The following IREB2 variants were observed in gnomAD, a reference collection of about 807,000 sequenced individuals.
IREB2 encodes the protein iron responsive element binding protein 2, also known as iron-responsive element-binding protein 2.
Under a neutral mutation model 118.8 loss-of-function variants are expected in IREB2, and 39 were observed. That is an observed-to-expected ratio of 0.33 (90% CI 0.25 to 0.43). IREB2 has a LOEUF of 0.43. Among genes scored for constraint, IREB2 ranks in the 20% least tolerant of loss-of-function variants. The probability of loss-of-function intolerance (pLI) is 1.00; values close to 1 mark genes in which losing one functional copy is unlikely to be tolerated. For missense variants in IREB2, 900 were observed against 1,147.3 expected (o/e 0.78, Z 3.11); for synonymous variants, 372 against 392.2 (o/e 0.95, Z 0.61).
chr15:78,482,036 C>T (rs2051583012), intron 10 of IREB2, among the ~76,000 whole-genome samples: 1 of 151,974 alleles, frequency 6.6e-6, no homozygotes, highest in Admixed American at 6.6e-5. Flanking sequence ...GAGCTCAGGA[C>T]CAGCCTGGGC....
At chr15:78,471,497 A>C (rs1459880552) in intron 6 of IREB2, among the ~76,000 whole-genome samples, 2 of 152,218 alleles carry the variant, frequency 1.3e-5, no homozygotes, top group Non-Finnish European at 2.9e-5. Flanking sequence ...TTTGGAACGC[A>C]GTTGAATACT....
At chr15:78,454,671 T>C (rs1392538010) in intron 2 of IREB2, among the ~76,000 whole-genome samples, 1 of 152,186 alleles carries the variant, frequency 6.6e-6, no homozygotes. Context: ...ATATATACAA[T>C]ATGCCTTAAT....
At position 78,490,659 on chromosome 15, in the gene IREB2, A is replaced by C; in HGVS notation, c.2222A>C (p.His741Pro). The change falls in exon 18 of 22, where the codon CAT (histidine) becomes CCT (proline). Residue 741 changes from histidine to proline, a missense_variant. By Grantham distance (77) the His-to-Pro change is moderately conservative. Transcript: ENST00000258886. ...PIALQAIENAHVLLYLGDSVT... is the reference protein window; with the variant it reads ...PIALQAIENAPVLLYLGDSVT... ...GCACTCCAGGCTATTGAAAATGCCC[A>C]TGTCTTATTATATTTGGGAGACTCT... is the stretch of plus-strand genomic sequence containing the variant. 6.2e-7 allele frequency: 1 copy of C among 1,614,162 alleles called. No individual in the cohort carries two copies. Among genetic ancestry groups the C allele is most frequent in the Non-Finnish European group, 8.5e-7 (1 of 1,180,006 alleles).
upstream of IREB2, chr15:78,438,175 C>A (rs904142758): frequency 3.3e-6 from 2 of 600,952 alleles, no homozygotes; most frequent in Admixed American, 2.8e-5. Context: ...CCCGCGAGCG[C>A]AGACCCGGGG....
intron 2 of IREB2, among the ~76,000 whole-genome samples, chr15:78,453,562 AAATGGTT>A (rs2051059510): frequency 6.6e-6 from 1 of 152,210 alleles, no homozygotes; most frequent in Non-Finnish European, 1.5e-5. Flanking sequence ...TTGAGTCCTA[AAATGGTT>A]AATGGAAATA....
chr15:78,495,795 A>G (rs1457147152), intron 20 of IREB2, among the ~76,000 whole-genome samples: 4 of 152,256 alleles, frequency 2.6e-5, no homozygotes, highest in Non-Finnish European at 5.9e-5. Context: ...ATAAGAGTAC[A>G]TTAAAAGATA....
intron 2 of IREB2, among the ~76,000 whole-genome samples, chr15:78,461,330 A>G (rs118049494): frequency 9.3e-4 from 141 of 152,328 alleles, no homozygotes; most frequent in East Asian, 6.6e-3. Flanking sequence ...GTTAAAATCT[A>G]AAACCTGTCC....
chr15:78,485,975 A>T (rs559608785), intron 13 of IREB2, 135 bp downstream of exon 13: 4 of 742,756 alleles, frequency 5.4e-6, no homozygotes, highest in Non-Finnish European at 8.6e-6. Context: ...TGCCATTACC[A>T]TACAATTTTT....
Position 78,493,817 on chromosome 15 carries a change from G to A in IREB2, c.2325-92G>A, listed in dbSNP as rs973799198. Reference sequence around the variant, plus strand: ...TTCTTTTGTGTTTGAAATTTTCTGTGATAAAAAAATTTTTCAATAGGTCTT... The same window carrying A: ...TTCTTTTGTGTTTGAAATTTTCTGTAATAAAAAAATTTTTCAATAGGTCTT... On this transcript the variant is annotated intron_variant, in intron 18 of 21. Transcript: ENST00000258886. 5.8e-6 allele frequency: 7 copies of A among 1,207,438 alleles called. No individual in the cohort carries two copies. In the Admixed American group the frequency reaches 7.3e-5, roughly 13 times the overall value. The allele number at this position is 1,207,438 out of a possible 1,614,324, so 74.8% of individuals were successfully genotyped here. A position where few individuals can be genotyped will look rare whatever the true frequency, so the allele number is the denominator to read the frequency against.
At chr15:78,448,554 G>C (rs779661836) in intron 2 of IREB2, among the ~76,000 whole-genome samples, 6 of 152,218 alleles carry the variant, frequency 3.9e-5, no homozygotes, top group Non-Finnish European at 7.3e-5. Flanking sequence ...TTGGAAATCA[G>C]CCCTATCCCG....
At chr15:78,492,115 T>C (rs550659737) in intron 18 of IREB2, among the ~76,000 whole-genome samples, 37 of 152,208 alleles carry the variant, frequency 2.4e-4, no homozygotes, top group Non-Finnish European at 3.7e-4. Flanking sequence ...AATGCACAAA[T>C]TTAGAATATT....
chr15:78,463,417 GGT>G (rs1432433783), intron 3 of IREB2, among the ~76,000 whole-genome samples: 1 of 151,868 alleles, frequency 6.6e-6, no homozygotes, highest in Admixed American at 6.6e-5. Flanking sequence ...CTCCAGCCTG[GGT>G]GACAATGCAA....
intron 6 of IREB2, 24 bp downstream of exon 6, chr15:78,470,625 T>G: frequency 1.4e-6 from 2 of 1,388,860 alleles, no homozygotes; most frequent in East Asian, 4.6e-5. Flanking sequence ...AGGGAAATTT[T>G]TGTATTGTAA....
At chr15:78,448,611 C>T (rs544666942) in intron 2 of IREB2, among the ~76,000 whole-genome samples, 33 of 152,334 alleles carry the variant, frequency 2.2e-4, no homozygotes, top group African/African-American at 7.5e-4. Context: ...TCTAGTCAGA[C>T]ATAGGCATGG....
chr15:78,483,906 C>T (rs1165361123), intron 11 of IREB2, among the ~76,000 whole-genome samples: 1 of 151,750 alleles, frequency 6.6e-6, no homozygotes, highest in Non-Finnish European at 1.5e-5. Context: ...TGCCTCAGCC[C>T]CCAAAGTAGT....
intron 2 of IREB2, among the ~76,000 whole-genome samples, chr15:78,459,437 C>T (rs1361513397): frequency 6.6e-6 from 1 of 152,088 alleles, no homozygotes; most frequent in Non-Finnish European, 1.5e-5. Flanking sequence ...GTAGAATCTG[C>T]CTCCTGGGTT....
chr15:78,456,976 A>G (rs1400381278), intron 2 of IREB2, among the ~76,000 whole-genome samples: 1 of 152,150 alleles, frequency 6.6e-6, no homozygotes, highest in Non-Finnish European at 1.5e-5. Context: ...CTTCTTCTGT[A>G]TATTTATGCA....
chr15:78,490,896 T>A, intron 18 of IREB2, 135 bp downstream of exon 18: 1 of 786,356 alleles, frequency 1.3e-6, no homozygotes, highest in Admixed American at 2.4e-5. Context: ...GTGTTTGTCT[T>A]AAGCAAGAAT....
At position 78,494,581 on chromosome 15, in the gene IREB2, T is replaced by G. The variant is rs540588445; in HGVS notation, c.2595+317T>G. 5.9e-5 allele frequency among the ~76,000 whole-genome samples: 9 copies of G among 152,304 alleles called. No individual in the cohort carries two copies. The South Asian group carries it at 1.9e-3, about 32-fold the overall frequency. ...ATTTATACCTATTGATCATTTTTTT[T>G]GGTTTTTTAGTTTTGAGACCATGTC... On this transcript the variant is annotated intron_variant, in intron 20 of 21. Transcript: ENST00000258886.
Sources: allele counts gnomAD v4.1 joint callset (sites outside exome capture counted in the v4.1 genomes callset), GRCh38; gene constraint gnomAD v4.1.1; transcripts MANE v1.5; gene names NCBI Gene and HGNC (gene_info 2026-07-23, HGNC 2026-07-21).